The following TAFA2 variants were observed in gnomAD, a reference collection of about 807,000 sequenced individuals.
TAFA2 encodes the protein chemokine-like protein TAFA-2.
Under a neutral mutation model 18.8 loss-of-function variants are expected in TAFA2, and 7 were observed. That is an observed-to-expected ratio of 0.37 (90% confidence interval 0.21 to 0.70). The LOEUF (loss-of-function observed/expected upper bound fraction) is 0.70. Among genes scored for constraint, TAFA2 ranks in the 30% least tolerant of loss-of-function variants. The probability of loss-of-function intolerance (pLI) is 0.53; values close to 1 mark genes in which losing one functional copy is unlikely to be tolerated. For missense variants in TAFA2, 122 were observed against 158.1 expected (o/e 0.77, Z 1.23); for synonymous variants, 60 against 54.2 (o/e 1.11, Z -0.47).
At chr12:62,017,087 C>G (rs559852649) in intron 1 of TAFA2, among the ~76,000 whole-genome samples, 33 of 152,274 alleles carry the variant, frequency 2.2e-4, no homozygotes, top group Admixed American at 5.9e-4. Flanking sequence ...CTAATCTTCA[C>G]AAGCCCTATA....
intron 2 of TAFA2, among the ~76,000 whole-genome samples, chr12:61,866,150 TCA>T (rs1874345732): frequency 6.6e-6 from 1 of 151,986 alleles, no homozygotes; most frequent in Admixed American, 6.6e-5. Context: ...ATATATATAT[TCA>T]CACACACGAA....
At chr12:61,749,367 G>A (rs1435611356) in intron 4 of TAFA2, among the ~76,000 whole-genome samples, 1 of 152,064 alleles carries the variant, frequency 6.6e-6, no homozygotes, top group Admixed American at 6.6e-5. Context: ...ATCAAGCCAT[G>A]CATTCTCTTT....
At chr12:61,884,540 T>G (rs1373691003) in intron 1 of TAFA2, among the ~76,000 whole-genome samples, 1 of 152,156 alleles carries the variant, frequency 6.6e-6, no homozygotes, top group Non-Finnish European at 1.5e-5. Context: ...TTAGGTGCAT[T>G]GCATTTCTCA....
At chr12:61,784,432 A>G (rs1426537622) in intron 2 of TAFA2, among the ~76,000 whole-genome samples, 1 of 151,538 alleles carries the variant, frequency 6.6e-6, no homozygotes, top group Non-Finnish European at 1.5e-5. Context: ...AGTGGCTCAG[A>G]TCAGAAGTGA....
chr12:62,098,749 A>G (rs1869057585), intron 1 of TAFA2, among the ~76,000 whole-genome samples: 1 of 152,196 alleles, frequency 6.6e-6, no homozygotes. Context: ...CTTCAGTGTA[A>G]TGATCTGATA....
chr12:62,074,808 T>A (rs1882721330), intron 1 of TAFA2, among the ~76,000 whole-genome samples: 1 of 151,782 alleles, frequency 6.6e-6, no homozygotes, highest in South Asian at 2.1e-4. Context: ...TTCAAGCAAT[T>A]CTCCTGCCTC....
intron 1 of TAFA2, among the ~76,000 whole-genome samples, chr12:62,059,137 A>G (rs11174289): frequency 0.013 from 555 of 43,476 alleles, 4 homozygotes; most frequent in African/African-American, 0.054. Context: ...ATATGTGTGT[A>G]TATGTGTGTG....
chr12:62,241,017 G>A, intron 1 of TAFA2, among the ~76,000 whole-genome samples: 1 of 152,122 alleles, frequency 6.6e-6, no homozygotes, highest in Non-Finnish European at 1.5e-5. Flanking sequence ...CCAGTCCCTG[G>A]TGCCAAAAAA....
intron 1 of TAFA2, among the ~76,000 whole-genome samples, chr12:62,016,110 T>C (rs2136721007): frequency 6.6e-6 from 1 of 152,346 alleles, no homozygotes; most frequent in South Asian, 2.1e-4. Flanking sequence ...ATGGCAGTTA[T>C]ATTTCAAACA....
At chr12:61,712,195 G>T (rs1242003425) in intron 4 of TAFA2, among the ~76,000 whole-genome samples, 1 of 152,044 alleles carries the variant, frequency 6.6e-6, no homozygotes, top group Admixed American at 6.6e-5. Context: ...TAAATGTGGT[G>T]CCATGACTCT....
At chr12:61,748,585 T>C (rs1298512790) in intron 4 of TAFA2, among the ~76,000 whole-genome samples, 1 of 152,126 alleles carries the variant, frequency 6.6e-6, no homozygotes, top group African/African-American at 2.4e-5. Flanking sequence ...TTAGCACCCC[T>C]GGACACTGTT....
intron 1 of TAFA2, among the ~76,000 whole-genome samples, chr12:61,967,100 G>A (rs1879093318): frequency 6.6e-6 from 1 of 151,754 alleles, no homozygotes; most frequent in Admixed American, 6.6e-5. Flanking sequence ...TATTACAGGG[G>A]GTCCTGATCT....
intron 2 of TAFA2, among the ~76,000 whole-genome samples, chr12:61,849,078 A>G (rs1245800923): frequency 1.3e-5 from 2 of 152,160 alleles, no homozygotes; most frequent in Admixed American, 6.5e-5. Context: ...TCCTGACCTC[A>G]GGCGATCCAC....
At position 61,730,123 on chromosome 12, in the gene TAFA2, T is replaced by A. The variant is rs115839957; in HGVS notation, c.385-19706A>T. ...GGATACCAGCACCTGCTGTGGTGGA[T>A]GTAGCAAGGGAGTGAATTAAATTCT... On this transcript the variant is annotated intron_variant, in intron 4 of 4. Coordinates refer to ENST00000416284, the MANE Select transcript of TAFA2 (RefSeq NM_178539.5). Among the ~76,000 whole-genome samples the A allele has an allele frequency of 5.2e-3, 797 of 152,192 alleles. 5 individuals carry two copies. Among genetic ancestry groups the A allele is most frequent in the African/African-American group, 0.018 (765 of 41,534 alleles).
rs142462730 is a variant in TAFA2, at chr12:61,918,421, A to G, written c.-1-50995T>C. Among the ~76,000 whole-genome samples, 387 of 152,118 alleles carry G rather than the reference A, an allele frequency of 2.5e-3. 2 individuals are homozygous for G. Among genetic ancestry groups the G allele is most frequent in the Middle Eastern group, 0.01 (3 of 294 alleles). ...GAGAAAATGTGAAGTTTGTCTTTCT[A>G]TGCCTAGCTTATTTCTCTTGACATA... On this transcript the variant is annotated intron_variant, in intron 1 of 4. Coordinates refer to ENST00000416284, the MANE Select transcript of TAFA2 (RefSeq NM_178539.5).
chr12:61,970,971 T>A (rs1305195741), intron 1 of TAFA2, among the ~76,000 whole-genome samples: 1 of 151,638 alleles, frequency 6.6e-6, no homozygotes, highest in East Asian at 1.9e-4. Context: ...ATGCATAACG[T>A]CTTATGATTC....
In TAFA2 at chr12:61,907,875, T is replaced by C. The variant is rs1017873917; in HGVS notation, c.-1-40449A>G. On this transcript the variant is annotated intron_variant, in intron 1 of 4. Coordinates refer to ENST00000416284, the MANE Select transcript of TAFA2 (RefSeq NM_178539.5). The stretch of plus-strand genomic sequence containing the variant: ...AAGGAGATCATTTTGGAACTTTAAG[T>C]TTTAATGACTGCCCTATTGAATTTT... Among the ~76,000 whole-genome samples, 5 of 152,268 alleles carry C rather than the reference T, an allele frequency of 3.3e-5. 1 individual carries two copies. Among genetic ancestry groups the C allele is most frequent in the African/African-American group, 4.8e-5 (2 of 41,558 alleles).
chr12:61,884,166 G>A (rs1412906113), intron 1 of TAFA2, among the ~76,000 whole-genome samples: 7 of 152,120 alleles, frequency 4.6e-5, no homozygotes, highest in Admixed American at 3.3e-4. Context: ...TTGGCTCCAC[G>A]CTAAAGTGTA....
chr12:61,951,892 A>T (rs931499921), intron 1 of TAFA2, among the ~76,000 whole-genome samples: 1 of 19,316 alleles, frequency 5.2e-5, no homozygotes, highest in African/African-American at 6.9e-5. Flanking sequence ...TCACTTAATT[A>T]AAAAAAAAAG....
Sources: gnomAD v4.1 joint callset for allele counts (sites outside exome capture counted in the v4.1 genomes callset) on GRCh38, gnomAD v4.1.1 for gene constraint, MANE v1.5 for transcripts, NCBI Gene and HGNC (gene_info 2026-07-23, HGNC 2026-07-21) for gene names.